APBB2: variants seen among roughly 807,000 people sequenced by gnomAD.
APBB2 encodes Fe65-like 1.
Under a neutral mutation model 82.5 loss-of-function variants are expected in APBB2, and 38 were observed. The ratio of observed to expected loss-of-function variants is 0.46; its 90% CI spans 0.36 to 0.60. The LOEUF is 0.60. Among genes scored for constraint, APBB2 ranks in the 20% least tolerant of loss-of-function variants. The pLI, the probability that APBB2 is intolerant of heterozygous loss-of-function variation, is 0.00. For synonymous variants in APBB2, 341 were observed against 368.2 expected (o/e 0.93, Z 0.85); for missense variants, 772 against 972.3 (o/e 0.79, Z 2.74).
intron 1 of APBB2, among the ~76,000 whole-genome samples, chr4:41,207,056 G>A (rs1351321849): frequency 3.3e-5 from 5 of 151,808 alleles, no homozygotes; most frequent in Non-Finnish European, 1.5e-5. Context: ...AAAATTAGCC[G>A]GATACAGTGG....
At chr4:41,039,827 C>A (rs924823519) in intron 4 of APBB2, among the ~76,000 whole-genome samples, 1 of 114,000 alleles carries the variant, frequency 8.8e-6, no homozygotes, top group Non-Finnish European at 1.9e-5. Flanking sequence ...AGGTGTGAGA[C>A]CTTGTCTCAA....
At chr4:40,838,945 G>C (rs1362020131) in intron 12 of APBB2, among the ~76,000 whole-genome samples, 1 of 152,070 alleles carries the variant, frequency 6.6e-6, no homozygotes, top group African/African-American at 2.4e-5. Flanking sequence ...TTTCACAGCA[G>C]CACCAGCAGG....
chr4:41,045,899 T>C (rs6844762), intron 4 of APBB2, among the ~76,000 whole-genome samples: 2 of 152,210 alleles, frequency 1.3e-5, no homozygotes, highest in African/African-American at 4.8e-5. Context: ...TTCATAGTGG[T>C]AATCTCCGGG....
In APBB2 at chr4:41,183,300, A is replaced by T. The variant is rs145179341; in HGVS notation, c.-417+31105T>A. On this transcript the variant is annotated intron_variant, in intron 1 of 17. Coordinates refer to ENST00000508593, the MANE Select transcript of APBB2 (RefSeq NM_004307.2). ...TCTCCACAAAACAGTGATCCTTTAT[A>T]AACCTAAGTTGGATTGCATCATTCC... Among the ~76,000 whole-genome samples the T allele has an allele frequency of 5.9e-5, 9 of 152,280 alleles. No individual in the cohort carries two copies. The East Asian group carries it at 1.7e-3, about 29-fold the overall frequency.
chr4:40,940,328 A>G (rs1369372508), intron 7 of APBB2, among the ~76,000 whole-genome samples: 1 of 152,190 alleles, frequency 6.6e-6, no homozygotes, highest in Non-Finnish European at 1.5e-5. Flanking sequence ...CTACTTACTC[A>G]GCGTAAATCA....
At chr4:41,041,746 G>C (rs1290099339) in intron 4 of APBB2, among the ~76,000 whole-genome samples, 2 of 152,106 alleles carry the variant, frequency 1.3e-5, no homozygotes, top group African/African-American at 4.8e-5. Flanking sequence ...CTCCAAGTGA[G>C]ATTTCAAAAC....
Position 41,053,637 on chromosome 4 carries a change from T to C in APBB2, c.-51+11939A>G, listed in dbSNP as rs140745880. Among the ~76,000 whole-genome samples the C allele has an allele frequency of 7.9e-5, 12 of 152,316 alleles. No individual in the cohort carries two copies. The East Asian group carries it at 2.3e-3, about 29-fold the overall frequency. On this transcript the variant is annotated intron_variant, in intron 4 of 17. Coordinates refer to ENST00000508593, the MANE Select transcript of APBB2 (RefSeq NM_004307.2). ...TTATGCTATTACCCCAGTACTGCTATAGTTTCCTATAAAGCCATAAATACA... is the reference window on the plus strand; with the variant it reads ...TTATGCTATTACCCCAGTACTGCTACAGTTTCCTATAAAGCCATAAATACA...
intron 7 of APBB2, among the ~76,000 whole-genome samples, chr4:40,937,882 T>C (rs1018524542): frequency 2.0e-5 from 3 of 152,268 alleles, no homozygotes; most frequent in Non-Finnish European, 4.4e-5. Flanking sequence ...TAAGTTTTGC[T>C]AATAATTTTT....
intron 6 of APBB2, among the ~76,000 whole-genome samples, chr4:40,986,424 G>A (rs142495175): frequency 9.1e-4 from 138 of 152,298 alleles, no homozygotes; most frequent in African/African-American, 3.3e-3. Flanking sequence ...AGCTTCATGT[G>A]TAAACAAGAA....
intron 2 of APBB2, among the ~76,000 whole-genome samples, chr4:41,119,522 TAAA>T (rs35952366): frequency 5.1e-5 from 6 of 118,012 alleles, no homozygotes; most frequent in Non-Finnish European, 5.3e-5. Flanking sequence ...GAAGTTCCAT[TAAA>T]AAAAAAAAAA....
chr4:41,053,381 T>TAA (rs879351420), intron 4 of APBB2, among the ~76,000 whole-genome samples: 4 of 143,438 alleles, frequency 2.8e-5, no homozygotes, highest in African/African-American at 5.1e-5. Context: ...CCAAGGCAGT[T>TAA]AAAAAAAAAA....
chr4:40,843,425 A>C (rs1290001868), intron 12 of APBB2, among the ~76,000 whole-genome samples: 2 of 105,966 alleles, frequency 1.9e-5, no homozygotes, highest in Non-Finnish European at 4.1e-5. Flanking sequence ...AGTGGAGCAA[A>C]AACAAAGCCA....
At chr4:40,873,028 C>G (rs1276360862) in intron 12 of APBB2, among the ~76,000 whole-genome samples, 1 of 146,914 alleles carries the variant, frequency 6.8e-6, no homozygotes, top group Non-Finnish European at 1.5e-5. Flanking sequence ...GCGGAGGTTG[C>G]AGTGAGCTGA....
chr4:41,042,299 C>T (rs4861081), intron 4 of APBB2, among the ~76,000 whole-genome samples: 31,832 of 152,144 alleles, frequency 0.21, 3,532 homozygotes, highest in Middle Eastern at 0.29. Flanking sequence ...TGATCCCCAA[C>T]TTTCATATTC....
At chr4:40,900,621 A>T (rs1166464778) in intron 10 of APBB2, among the ~76,000 whole-genome samples, 5 of 151,756 alleles carry the variant, frequency 3.3e-5, no homozygotes, top group African/African-American at 1.2e-4. Context: ...ACGCTCACCT[A>T]ATTTTCTGTA....
At chr4:40,874,981 C>T (rs1766505389) in intron 12 of APBB2, among the ~76,000 whole-genome samples, 2 of 152,162 alleles carry the variant, frequency 1.3e-5, no homozygotes, top group South Asian at 4.1e-4. Flanking sequence ...AAGCAGGGCA[C>T]ACAGTGCAAG....
chr4:40,901,614 A>T (rs1461448029), intron 10 of APBB2, among the ~76,000 whole-genome samples: 1 of 152,068 alleles, frequency 6.6e-6, no homozygotes, highest in African/African-American at 2.4e-5. Context: ...GGCTCAAGCG[A>T]TTCTTGTGCC....
chr4:40,918,082 T>G (rs150479623), intron 10 of APBB2, among the ~76,000 whole-genome samples: 1 of 152,240 alleles, frequency 6.6e-6, no homozygotes, highest in African/African-American at 2.4e-5. Flanking sequence ...GTTCACACTT[T>G]AGCACATAAA....
intron 10 of APBB2, among the ~76,000 whole-genome samples, chr4:40,907,981 GGTGT>G (rs755862137): frequency 9.3e-5 from 13 of 140,168 alleles, no homozygotes; most frequent in East Asian, 7.8e-4. Flanking sequence ...GTGTCTGTGT[GGTGT>G]GTGTGTGTGT....
Sources: gnomAD v4.1 joint callset for allele counts (sites outside exome capture counted in the v4.1 genomes callset) on GRCh38, gnomAD v4.1.1 for gene constraint, MANE v1.5 for transcripts, NCBI Gene and HGNC (gene_info 2026-07-23, HGNC 2026-07-21) for gene names.